The following ARHGEF10 variants were observed in gnomAD, a reference collection of about 807,000 sequenced individuals.
The protein encoded by ARHGEF10 is Rho guanine nucleotide exchange factor 10.
ARHGEF10 carries 140 observed loss-of-function variants against 147.4 expected under a neutral mutation model. That is an observed-to-expected ratio of 0.95 (90% confidence interval 0.83 to 1.09). ARHGEF10 has a LOEUF of 1.09. Ranked by LOEUF, ARHGEF10 falls within the 50% of genes least tolerant of loss-of-function variation. ARHGEF10 has a pLI of 0.00. For missense variants in ARHGEF10, 2,222 were observed against 1,752.7 expected, an observed-to-expected ratio of 1.27 and a Z score of -4.78; for synonymous variants, 902 against 695.8, an observed-to-expected ratio of 1.30 and a Z score of -4.67.
At chr8:1,922,598 A>G (rs1486446149) in intron 18 of ARHGEF10, among the ~76,000 whole-genome samples, 1 of 152,162 alleles carries the variant, frequency 6.6e-6, no homozygotes, top group Non-Finnish European at 1.5e-5. Flanking sequence ...GGACTAGGAA[A>G]TGACATTCAT....
At chr8:1,929,915 C>G (rs1318097135) in intron 25 of ARHGEF10, among the ~76,000 whole-genome samples, 2 of 152,210 alleles carry the variant, frequency 1.3e-5, no homozygotes, top group Non-Finnish European at 2.9e-5. Flanking sequence ...GTGCCTTAGA[C>G]GAGGCCCTCC....
At chr8:1,830,417 G>C (rs895253644) in intron 1 of ARHGEF10, among the ~76,000 whole-genome samples, 1 of 152,336 alleles carries the variant, frequency 6.6e-6, no homozygotes, top group African/African-American at 2.4e-5. Context: ...GCCTTTCTCT[G>C]TTGGCTTAGG....
chr8:1,899,776 G>A (rs1370973096), intron 15 of ARHGEF10, among the ~76,000 whole-genome samples: 2 of 152,222 alleles, frequency 1.3e-5, no homozygotes, highest in African/African-American at 2.4e-5. Context: ...GTTCTAATAC[G>A]TGCGAGACGC....
rs774258882 is a variant in ARHGEF10 at position 1,893,621 on chromosome 8, T to G, written c.1235T>G (p.Val412Gly). The G allele has an allele frequency of 1.2e-6, 2 of 1,613,214 alleles. No homozygotes were observed. Among genetic ancestry groups the G allele is most frequent in the Non-Finnish European group, 8.5e-7 (1 of 1,179,258 alleles). ...GTTGTCGACAGTGAAAAGAACTACG[T>G]AGATGCTCTTAAGAGGATTTTGGAG... ...GSVVDSEKNY[V>G]DALKRILEQY... Residue 412 changes from valine (V) to glycine (G), a missense_variant, in exon 12 of 29, where the codon GTA becomes GGA. Physicochemically the swap from Val to Gly is moderately radical, Grantham distance 109. Coordinates refer to ENST00000349830, the MANE Select transcript of ARHGEF10 (RefSeq NM_014629.4).
intron 28 of ARHGEF10, among the ~76,000 whole-genome samples, chr8:1,955,377 A>G (rs1815454475): frequency 7.3e-6 from 1 of 136,994 alleles, no homozygotes; most frequent in African/African-American, 2.7e-5. Context: ...GTGCTCCCTG[A>G]AAGGAGGTGT....
In ARHGEF10 at chr8:1,923,013, G is replaced by T; in HGVS notation, c.2193G>T (p.Leu731Phe). ...AACTGTATCAAGATTTACAAAACTT[G>T]TTGCATGACTTAAATGTAATTGGCC... Reference protein sequence around the residue: ...PGQLYQDLQNLLHDLNVIGQI... With the variant: ...PGQLYQDLQNFLHDLNVIGQI... The change falls in exon 19 of 29, where the codon TTG (leucine) becomes TTT (phenylalanine). Residue 731 changes from leucine (L) to phenylalanine (F), a missense_variant. Coordinates refer to ENST00000349830, the MANE Select transcript of ARHGEF10 (RefSeq NM_014629.4). 1.2e-6 allele frequency: 2 copies of T among 1,613,526 alleles called. No homozygotes were observed. The highest frequency in any genetic ancestry group is 8.5e-7 in the Non-Finnish European group (1 of 1,179,938).
In ARHGEF10 at chr8:1,880,054, C is replaced by G; in HGVS notation, c.850C>G (p.His284Asp). ...LRSNHKKQLS[H>D]DLTRLKEHYE... is the part of the protein sequence containing the mutation. ...GTGTCTCTTTATGCTGTAGCTTTCT[C>G]ATGACCTAACCCGTTTAAAGGAGCA... Residue 284 changes from histidine to aspartate, a missense_variant, in exon 9 of 29, where the codon CAT (histidine) becomes GAT (aspartate). By Grantham distance (81) the His-to-Asp change is moderately conservative. Coordinates refer to ENST00000349830, the MANE Select transcript of ARHGEF10 (RefSeq NM_014629.4). 4 of 1,611,226 alleles carry G rather than the reference C, an allele frequency of 2.5e-6. No individual in the cohort carries two copies. The highest frequency in any genetic ancestry group is 3.4e-6 in the Non-Finnish European group (4 of 1,177,300).
rs768860465 is a variant in ARHGEF10, at chr8:1,880,129, G to C, written c.925G>C (p.Glu309Gln). The C allele has an allele frequency of 6.8e-6, 11 of 1,613,960 alleles. No individual in the cohort carries two copies. The East Asian group carries it at 1.1e-4, about 16-fold the overall frequency. The stretch of plus-strand genomic sequence containing the variant: ...GATGGCAAGCACGGTGGGCGTGGTG[G>C]AGATTCAGCAGCTCAGGCAGAAGCA... The part of the protein sequence containing the change: ...DLMASTVGVV[E>Q]IQQLRQKHEL... The change falls in exon 9 of 29, where the codon GAG (glutamate) becomes CAG (glutamine). Residue 309 changes from glutamate (E) to glutamine (Q), a missense_variant. By Grantham distance (29) the Glu-to-Gln change is conservative. Transcript: ENST00000349830.
At chr8:1,870,243 T>A (rs1402095565) in intron 7 of ARHGEF10, 9 of 94,766 alleles carry the variant, frequency 9.5e-5, no homozygotes, top group African/African-American at 3.6e-4. Flanking sequence ...ATTTTTTTTT[T>A]TTTTTTTTTT....
chr8:1,885,943 A>C (rs1033649311), intron 11 of ARHGEF10, among the ~76,000 whole-genome samples: 13 of 152,066 alleles, frequency 8.5e-5, no homozygotes, highest in Non-Finnish European at 1.8e-4. Context: ...CTGGTCCTTA[A>C]ATATTTTGGA....
At chr8:1,833,269 CAGAGACAGAGGT>C (rs1296844095) in intron 1 of ARHGEF10, among the ~76,000 whole-genome samples, 6 of 134,216 alleles carry the variant, frequency 4.5e-5, no homozygotes, top group East Asian at 2.3e-4. Context: ...GAGGCAGAGG[CAGAGACAGAGGT>C]AGAGACAGAA....
At chr8:1,829,486 C>A (rs986985600) in intron 1 of ARHGEF10, among the ~76,000 whole-genome samples, 3 of 152,204 alleles carry the variant, frequency 2.0e-5, no homozygotes, top group African/African-American at 7.2e-5. Flanking sequence ...AAAGTCGACT[C>A]ATGCTTTGTT....
At position 1,880,163 on chromosome 8, in the gene ARHGEF10, A is replaced by C; in HGVS notation, c.959A>C (p.Lys320Thr). The C allele has an allele frequency of 6.2e-7, 1 of 1,610,370 alleles. No homozygotes were observed. Among genetic ancestry groups the C allele is most frequent in the Non-Finnish European group, 8.5e-7 (1 of 1,176,746 alleles). ...CAGCTCAGGCAGAAGCATGAACTGA[A>C]GGTAGAGTCTTGCCCCCGGCCGCTG... ...IQQLRQKHELKMQKLVKAAKD... is the reference protein window; with the variant it reads ...IQQLRQKHELTMQKLVKAAKD... The change falls in exon 9 of 29, where the codon AAG (lysine) becomes ACG (threonine). Residue 320 changes from lysine to threonine, a missense_variant and splice_region_variant. Transcript: ENST00000349830.
Position 1,933,915 on chromosome 8 carries a change from C to T in ARHGEF10, c.3195C>T (p.Ile1065=), listed in dbSNP as rs1388098211. 2.5e-6 allele frequency: 4 copies of T among 1,614,060 alleles called. No individual in the cohort carries two copies. The highest frequency in any genetic ancestry group is 2.7e-5 in the African/African-American group (2 of 74,924). Residue 1065 remains isoleucine, a synonymous_variant, in exon 26 of 29, where the codon ATC becomes ATT. Transcript: ENST00000349830. The stretch of plus-strand genomic sequence containing the variant: ...CGGCTTCCGGAGGTCAAGTCTTCAT[C>T]ATCAGTGTGGAGACTCATGCTGTAG... The part of the protein sequence containing the change: ...LWAASGGQVF[I]ISVETHAVEG...
chr8:1,843,269 G>A, intron 1 of ARHGEF10, 84 bp from the exon 2 acceptor site: 3 of 1,014,094 alleles, frequency 3.0e-6, no homozygotes, highest in Non-Finnish European at 4.5e-6. Context: ...CCTTTTTGCG[G>A]GGTTCTCTGT....
chr8:1,906,820 C>T (rs957420514), intron 17 of ARHGEF10, among the ~76,000 whole-genome samples: 4 of 152,242 alleles, frequency 2.6e-5, no homozygotes, highest in Non-Finnish European at 4.4e-5. Context: ...ACCTGGCACA[C>T]GGCACTGCCT....
rs1183649471 is a variant in ARHGEF10, at chr8:1,929,473, G to A, written c.3079+30G>A. 5.1e-6 allele frequency: 8 copies of A among 1,581,258 alleles called. No individual in the cohort carries two copies. In the South Asian group the frequency reaches 8.1e-5, roughly 16 times the overall value. On this transcript the variant is annotated intron_variant, in intron 25 of 28. Transcript: ENST00000349830. Reference sequence around the variant, plus strand: ...GGCGGGTCTCACGGCCTCCTGGCCGGTCCTTGGGGTTCACTCAGGGGACTG... The same window carrying A: ...GGCGGGTCTCACGGCCTCCTGGCCGATCCTTGGGGTTCACTCAGGGGACTG...
At chr8:1,901,323 T>C in intron 15 of ARHGEF10, among the ~76,000 whole-genome samples, 1 of 152,130 alleles carries the variant, frequency 6.6e-6, no homozygotes, top group East Asian at 1.9e-4. Flanking sequence ...ACTCTCCTGG[T>C]CTCTGCTCTC....
intron 4 of ARHGEF10, among the ~76,000 whole-genome samples, chr8:1,863,707 G>T (rs13277792): frequency 0.5 from 75,247 of 151,872 alleles, 18,719 homozygotes; most frequent in African/African-American, 0.52. Flanking sequence ...GGCTGTCCTT[G>T]GATGGTCTAA....
Sources: gnomAD v4.1 joint callset for allele counts (sites outside exome capture counted in the v4.1 genomes callset) on GRCh38, gnomAD v4.1.1 for gene constraint, MANE v1.5 for transcripts, NCBI Gene and HGNC (gene_info 2026-07-23, HGNC 2026-07-21) for gene names.